Variants in MYO3A observed in about 807,000 individuals in gnomAD.
MYO3A encodes the protein myosin-IIIa.
A neutral mutation model predicts 192.7 loss-of-function variants in MYO3A; 180 were observed. That is an observed-to-expected ratio of 0.93 (90% CI 0.83 to 1.06). The LOEUF (loss-of-function observed/expected upper bound fraction) is 1.06. MYO3A is among the 50% of genes least tolerant of loss of function. MYO3A has a pLI of 0.00. For synonymous variants in MYO3A, 628 were observed against 645.3 expected, an observed-to-expected ratio of 0.97 and a Z score of 0.41; for missense variants, 1,896 against 1,905.0, an observed-to-expected ratio of 1.00 and a Z score of 0.09.
At chr10:26,195,908 C>T (rs1843384442) in intron 32 of MYO3A, among the ~76,000 whole-genome samples, 1 of 152,260 alleles carries the variant, frequency 6.6e-6, no homozygotes, top group South Asian at 2.1e-4. Context: ...AAGGAGTTTG[C>T]CTATTGCATT....
chr10:25,976,767 A>C (rs780731716), intron 4 of MYO3A, among the ~76,000 whole-genome samples: 5 of 152,144 alleles, frequency 3.3e-5, no homozygotes, highest in Non-Finnish European at 7.4e-5. Context: ...TTGCAAAACT[A>C]TACATAATTA....
chr10:25,935,108 A>G (rs923766909), intron 1 of MYO3A, among the ~76,000 whole-genome samples: 1 of 152,224 alleles, frequency 6.6e-6, no homozygotes, highest in Admixed American at 6.5e-5. Context: ...ATTTCTCAGA[A>G]CAAGCAGGTC....
At chr10:26,021,411 A>C in intron 7 of MYO3A, 92 bp from the exon 8 acceptor site, 2 of 1,455,624 alleles carry the variant, frequency 1.4e-6, no homozygotes, top group Non-Finnish European at 1.9e-6. Flanking sequence ...AAACTTCACC[A>C]GTTTAAATAC....
chr10:25,961,912 G>A (rs1564407908), intron 4 of MYO3A, among the ~76,000 whole-genome samples: 1 of 152,088 alleles, frequency 6.6e-6, no homozygotes, highest in African/African-American at 2.4e-5. Context: ...CAAAAGAGGG[G>A]CAGTGGCTGT....
chr10:26,082,100 T>C (rs1835996463), intron 14 of MYO3A, among the ~76,000 whole-genome samples: 1 of 152,206 alleles, frequency 6.6e-6, no homozygotes. Flanking sequence ...TGATTGACCC[T>C]TCCTGGGATT....
intron 4 of MYO3A, among the ~76,000 whole-genome samples, chr10:25,959,075 A>G (rs1324012397): frequency 6.6e-6 from 1 of 152,122 alleles, no homozygotes; most frequent in Non-Finnish European, 1.5e-5. Flanking sequence ...GGCCAAGACC[A>G]TGGAATTTTC....
At chr10:26,211,707 G>A (rs1844223442) in intron 34 of MYO3A, 136 bp from the exon 35 acceptor site, 5 of 1,376,010 alleles carry the variant, frequency 3.6e-6, no homozygotes, top group Non-Finnish European at 5.0e-6. Context: ...TTATCCAGTC[G>A]TTTCGATTGT....
intron 17 of MYO3A, among the ~76,000 whole-genome samples, chr10:26,098,982 A>T (rs949592333): frequency 1.3e-5 from 2 of 152,222 alleles, no homozygotes; most frequent in Admixed American, 1.3e-4. Flanking sequence ...GATGGCAATG[A>T]ATCTACAAAT....
chr10:26,205,785 AT>A (rs1352221971), intron 34 of MYO3A, among the ~76,000 whole-genome samples: 2 of 150,322 alleles, frequency 1.3e-5, no homozygotes, highest in African/African-American at 4.9e-5. Context: ...CCCGGCTAAT[AT>A]TTTTTTGTAT....
chr10:25,966,774 C>A (rs950643596), intron 4 of MYO3A, among the ~76,000 whole-genome samples: 4 of 152,286 alleles, frequency 2.6e-5, no homozygotes, highest in South Asian at 2.1e-4. Flanking sequence ...CAGAGGTTCT[C>A]AAATTATAGT....
chr10:26,183,905 A>G (rs1204071133), intron 31 of MYO3A, among the ~76,000 whole-genome samples: 1 of 152,182 alleles, frequency 6.6e-6, no homozygotes, highest in Non-Finnish European at 1.5e-5. Context: ...CCCAGAGTAG[A>G]CGCAAGAGGT....
chr10:26,065,911 A>G lies in MYO3A; in HGVS notation c.954-1064A>G, dbSNP rs550167809. On this transcript the variant is annotated intron_variant, in intron 10 of 34. Transcript: ENST00000642920. The stretch of plus-strand genomic sequence containing the variant: ...GACGGGCGGATCACGAGGTCAGGAG[A>G]TCGAGACCATCCTGGCTAACACGGT... Among the ~76,000 whole-genome samples the G allele has an allele frequency of 3.5e-4, 38 of 110,024 alleles. 8 individuals carry two copies. Among genetic ancestry groups the G allele is most frequent in the African/African-American group, 9.1e-4 (31 of 34,120 alleles). 72.2% of individuals were successfully genotyped at this position (110,024 alleles called of 152,430 possible).
At chr10:25,995,200 TG>T (rs1840345726) in intron 4 of MYO3A, among the ~76,000 whole-genome samples, 2 of 152,238 alleles carry the variant, frequency 1.3e-5, no homozygotes, top group Admixed American at 6.5e-5. Flanking sequence ...TTGGAAGCTT[TG>T]TTCATTTCTT....
At chr10:26,017,740 A>T (rs1285838409) in intron 7 of MYO3A, among the ~76,000 whole-genome samples, 6 of 151,778 alleles carry the variant, frequency 4.0e-5, no homozygotes, top group Non-Finnish European at 8.8e-5. Flanking sequence ...TAAGAAACTT[A>T]AAAAAATCCA....
intron 10 of MYO3A, among the ~76,000 whole-genome samples, chr10:26,038,683 T>C (rs1289227842): frequency 6.6e-6 from 1 of 152,196 alleles, no homozygotes; most frequent in Non-Finnish European, 1.5e-5. Context: ...TTTATTTCTT[T>C]CTCTTGTCTG....
In MYO3A at chr10:25,997,274, A is replaced by C. The variant is rs749145521; in HGVS notation, c.508+16A>C. On this transcript the variant is annotated intron_variant, in intron 6 of 34. Coordinates refer to ENST00000642920, the MANE Select transcript of MYO3A (RefSeq NM_017433.5). ...GTAGATTTTGGTAAGTTTTGTTTAA[A>C]ATGCATGAGTTTTAACTCCATAATG... The C allele has an allele frequency of 7.7e-6, 12 of 1,554,072 alleles. No homozygotes were observed. The highest frequency in any genetic ancestry group is 9.8e-6 in the Non-Finnish European group (11 of 1,125,664).
intron 28 of MYO3A, 35 bp from the exon 29 acceptor site, chr10:26,170,381 A>G (rs1480915932): frequency 1.2e-6 from 2 of 1,607,392 alleles, no homozygotes; most frequent in South Asian, 1.1e-5. Flanking sequence ...TTATTTGTTT[A>G]TAATTAACAC....
At chr10:26,071,714 C>T (rs1835219302) in intron 14 of MYO3A, among the ~76,000 whole-genome samples, 1 of 152,076 alleles carries the variant, frequency 6.6e-6, no homozygotes, top group Admixed American at 6.5e-5. Flanking sequence ...AATGTTTGAA[C>T]AGTCACTTCA....
At chr10:26,199,590 A>T (rs1401364290) in intron 32 of MYO3A, among the ~76,000 whole-genome samples, 1 of 152,140 alleles carries the variant, frequency 6.6e-6, no homozygotes, top group Non-Finnish European at 1.5e-5. Context: ...AAAAGAAAAA[A>T]GAATATTCTA....
Sources: allele counts gnomAD v4.1 joint callset (sites outside exome capture counted in the v4.1 genomes callset), GRCh38; gene constraint gnomAD v4.1.1; transcripts MANE v1.5; gene names NCBI Gene and HGNC (gene_info 2026-07-23, HGNC 2026-07-21).